Variants in FBXL17 observed in about 807,000 individuals in gnomAD.
FBXL17 encodes the protein F-box and leucine rich repeat protein 17.
Under a neutral mutation model 66.2 loss-of-function variants are expected in FBXL17, and 22 were observed. That is an observed-to-expected ratio of 0.33 (90% confidence interval 0.24 to 0.47). FBXL17 has a LOEUF of 0.47. Ranked by LOEUF, FBXL17 falls within the 20% of genes least tolerant of loss-of-function variation. The pLI is 1.00. For synonymous variants in FBXL17, 474 were observed against 400.5 expected (o/e 1.18, Z -2.19); for missense variants, 878 against 948.2 (o/e 0.93, Z 0.97).
chr5:108,262,017 A>G (rs541775827), intron 4 of FBXL17, among the ~76,000 whole-genome samples: 11 of 151,874 alleles, frequency 7.2e-5, no homozygotes, highest in African/African-American at 2.7e-4. Flanking sequence ...AAGCAGCAAA[A>G]TACAGAATGA....
chr5:107,872,802 CAG>C (rs1468509988), intron 8 of FBXL17, among the ~76,000 whole-genome samples: 12 of 152,322 alleles, frequency 7.9e-5, no homozygotes, highest in Admixed American at 7.8e-4. Context: ...CAATGTGAGA[CAG>C]ATGCTATTAT....
intron 2 of FBXL17, 79 bp downstream of exon 2, chr5:108,367,751 GA>G (rs1748764969): frequency 8.7e-7 from 1 of 1,155,660 alleles, no homozygotes. Flanking sequence ...AAAACAAGAA[GA>G]CAGTAAAGAT....
intron 6 of FBXL17, among the ~76,000 whole-genome samples, chr5:108,072,145 T>A (rs933003121): frequency 6.6e-6 from 1 of 152,184 alleles, no homozygotes; most frequent in East Asian, 1.9e-4. Flanking sequence ...TTTGCTCTTA[T>A]GTTTATGCCA....
intron 6 of FBXL17, among the ~76,000 whole-genome samples, chr5:108,036,959 T>C (rs2112795368): frequency 6.6e-6 from 1 of 152,172 alleles, no homozygotes; most frequent in South Asian, 2.1e-4. Context: ...TAGGCAAAAC[T>C]TGTCTAATAA....
chr5:108,268,493 T>C (rs1023916802), intron 4 of FBXL17, among the ~76,000 whole-genome samples: 1 of 152,054 alleles, frequency 6.6e-6, no homozygotes, highest in Non-Finnish European at 1.5e-5. Flanking sequence ...TCTTCTGAGA[T>C]GCATCAGTCA....
intron 8 of FBXL17, chr5:107,880,248 G>C: frequency 6.4e-6 from 3 of 470,008 alleles, no homozygotes; most frequent in Non-Finnish European, 2.8e-6. Flanking sequence ...TTTTTTGTTG[G>C]GGGAGAGGGG....
intron 6 of FBXL17, among the ~76,000 whole-genome samples, chr5:108,115,627 GAA>G (rs113934174): frequency 7.2e-6 from 1 of 138,312 alleles, no homozygotes; most frequent in Non-Finnish European, 1.6e-5. Context: ...CCATCTTTAA[GAA>G]AAAAAAAAAG....
At chr5:108,117,842 G>A (rs891906479) in intron 6 of FBXL17, among the ~76,000 whole-genome samples, 1 of 152,068 alleles carries the variant, frequency 6.6e-6, no homozygotes, top group East Asian at 1.9e-4. Context: ...AGGAGTTCAC[G>A]GATGCTTATT....
chr5:108,190,062 G>A (rs1753409168), intron 5 of FBXL17, among the ~76,000 whole-genome samples: 2 of 152,164 alleles, frequency 1.3e-5, no homozygotes, highest in Non-Finnish European at 2.9e-5. Context: ...GATGATAAAT[G>A]TACATTGTTT....
intron 6 of FBXL17, among the ~76,000 whole-genome samples, chr5:108,042,260 A>C (rs1419647778): frequency 1.3e-5 from 2 of 152,192 alleles, no homozygotes; most frequent in Admixed American, 1.3e-4. Context: ...AAAGACGTAG[A>C]GAGAGCCCAT....
chr5:108,320,963 GAA>G (rs1367021741), intron 4 of FBXL17, among the ~76,000 whole-genome samples: 1 of 151,764 alleles, frequency 6.6e-6, no homozygotes, highest in Admixed American at 6.6e-5. Context: ...CCAAATATCC[GAA>G]GTTAAATAAA....
chr5:108,228,948 T>G (rs1450785570), intron 4 of FBXL17, among the ~76,000 whole-genome samples: 2 of 152,224 alleles, frequency 1.3e-5, no homozygotes, highest in Admixed American at 1.3e-4. Flanking sequence ...GGTACAGCTC[T>G]GCAGCAATTT....
At chr5:107,862,027 C>T (rs1748138039) in intron 8 of FBXL17, among the ~76,000 whole-genome samples, 167 bp from the exon 9 acceptor site, 1 of 152,160 alleles carries the variant, frequency 6.6e-6, no homozygotes, top group Non-Finnish European at 1.5e-5. Flanking sequence ...TGTCCCATTT[C>T]ATCTGACCTC....
At chr5:107,870,489 GA>G (rs554136415) in intron 8 of FBXL17, among the ~76,000 whole-genome samples, 1 of 151,630 alleles carries the variant, frequency 6.6e-6, no homozygotes, top group African/African-American at 2.4e-5. Flanking sequence ...TAAGGGGAAG[GA>G]AAAAAAATTC....
In FBXL17 at chr5:108,332,494, C is replaced by A. The variant is rs147601013; in HGVS notation, c.1506+15905G>T. On this transcript the variant is annotated intron_variant, in intron 4 of 8. Coordinates refer to ENST00000542267, the MANE Select transcript of FBXL17 (RefSeq NM_001163315.3). ...ATTAAAAGAAGGATTATAGGAATTA[C>A]CTGAGAAAACCAAAACAAAAATCAT... Among the ~76,000 whole-genome samples, 191 of 152,202 alleles carry A rather than the reference C, an allele frequency of 1.3e-3. 1 individual carries two copies. Among genetic ancestry groups the A allele is most frequent in the African/African-American group, 4.3e-3 (180 of 41,548 alleles).
At chr5:108,336,763 C>T (rs1037382610) in intron 4 of FBXL17, among the ~76,000 whole-genome samples, 6 of 152,018 alleles carry the variant, frequency 3.9e-5, no homozygotes, top group African/African-American at 1.4e-4. Flanking sequence ...CATTGCCATT[C>T]TTCTTGTATG....
At chr5:107,927,515 G>A (rs1750564291) in intron 7 of FBXL17, among the ~76,000 whole-genome samples, 1 of 152,016 alleles carries the variant, frequency 6.6e-6, no homozygotes, top group Non-Finnish European at 1.5e-5. Context: ...AAAGGAGTAT[G>A]AGCCAAATGT....
At chr5:108,327,898 C>A (rs190824719) in intron 4 of FBXL17, among the ~76,000 whole-genome samples, 57 of 152,244 alleles carry the variant, frequency 3.7e-4, no homozygotes, top group Admixed American at 1.4e-3. Context: ...CTTTGTTGGA[C>A]AGTTCACATA....
chr5:108,153,170 C>A (rs1394496850), intron 6 of FBXL17, among the ~76,000 whole-genome samples: 1 of 152,150 alleles, frequency 6.6e-6, no homozygotes, highest in Non-Finnish European at 1.5e-5. Flanking sequence ...CCTCTTTCTT[C>A]ATAAATTACC....
Sources: gnomAD v4.1 joint callset for allele counts (sites outside exome capture counted in the v4.1 genomes callset) on GRCh38, gnomAD v4.1.1 for gene constraint, MANE v1.5 for transcripts, NCBI Gene and HGNC (gene_info 2026-07-23, HGNC 2026-07-21) for gene names.